The following TBC1D5 variants were observed in gnomAD, a reference collection of about 807,000 sequenced individuals.
The protein encoded by TBC1D5 is TBC1 domain family, member 5.
In TBC1D5, 75 loss-of-function variants were observed where a neutral mutation model predicts 100.3. That is an observed-to-expected ratio of 0.75 (90% confidence interval 0.62 to 0.91). The LOEUF (loss-of-function observed/expected upper bound fraction) is 0.91, where lower values mean the gene tolerates loss of function less well. Ranked by LOEUF, TBC1D5 falls within the 40% of genes least tolerant of loss-of-function variation. The pLI is 0.00. For missense variants in TBC1D5, 910 were observed against 942.4 expected (o/e 0.97, Z 0.45); for synonymous variants, 323 against 325.6 (o/e 0.99, Z 0.09).
chr3:17,295,788 C>G (rs867473102), intron 14 of TBC1D5, among the ~76,000 whole-genome samples: 12 of 152,096 alleles, frequency 7.9e-5, no homozygotes, highest in African/African-American at 2.9e-4. Flanking sequence ...ATTTCTTGCC[C>G]GACTCCCCAA....
intron 1 of TBC1D5, among the ~76,000 whole-genome samples, chr3:17,677,857 G>A (rs1294426271): frequency 6.6e-6 from 1 of 152,196 alleles, no homozygotes; most frequent in African/African-American, 2.4e-5. Flanking sequence ...GGACATGGAT[G>A]AAGCTGGAAA....
intron 15 of TBC1D5, among the ~76,000 whole-genome samples, chr3:17,265,623 G>A (rs2078765427): frequency 6.6e-6 from 1 of 152,144 alleles, no homozygotes; most frequent in African/African-American, 2.4e-5. Context: ...CAAAGGCAAA[G>A]CATTACAGGG....
intron 1 of TBC1D5, among the ~76,000 whole-genome samples, chr3:17,695,745 G>A (rs2071956075): frequency 6.6e-6 from 1 of 152,128 alleles, no homozygotes; most frequent in African/African-American, 2.4e-5. Context: ...GCACCAAGCT[G>A]ACCTAAGAGA....
At chr3:17,625,755 C>A (rs2062997928) in intron 1 of TBC1D5, among the ~76,000 whole-genome samples, 1 of 151,960 alleles carries the variant, frequency 6.6e-6, no homozygotes, top group Non-Finnish European at 1.5e-5. Context: ...GTTCATGCCA[C>A]TAGATAAAAA....
chr3:17,180,907 C>T (rs1349890669), intron 19 of TBC1D5, among the ~76,000 whole-genome samples: 1 of 128,304 alleles, frequency 7.8e-6, no homozygotes, highest in East Asian at 2.3e-4. Flanking sequence ...GTACCCCTTA[C>T]ATTTACACCA....
intron 17 of TBC1D5, among the ~76,000 whole-genome samples, chr3:17,223,959 A>C (rs1271079275): frequency 6.6e-6 from 1 of 152,106 alleles, no homozygotes; most frequent in African/African-American, 2.4e-5. Flanking sequence ...AGACTATGCC[A>C]ATATATATAA....
At chr3:17,377,216 A>C (rs1212080992) in intron 9 of TBC1D5, among the ~76,000 whole-genome samples, 1 of 152,100 alleles carries the variant, frequency 6.6e-6, no homozygotes, top group Non-Finnish European at 1.5e-5. Flanking sequence ...TGTCTACTTA[A>C]ATTCTAGGAT....
At chr3:17,696,823 A>G (rs113279552) in intron 1 of TBC1D5, among the ~76,000 whole-genome samples, 1 of 152,332 alleles carries the variant, frequency 6.6e-6, no homozygotes, top group African/African-American at 2.4e-5. Flanking sequence ...TTAGACCAAT[A>G]TCTCTGAAGA....
chr3:17,684,028 G>A (rs1464741220), intron 1 of TBC1D5, among the ~76,000 whole-genome samples: 1 of 151,940 alleles, frequency 6.6e-6, no homozygotes, highest in Non-Finnish European at 1.5e-5. Context: ...CCAAATATAT[G>A]TTAATAATAG....
intron 1 of TBC1D5, among the ~76,000 whole-genome samples, chr3:17,729,389 T>C (rs1411066008): frequency 6.7e-6 from 1 of 149,108 alleles, no homozygotes; most frequent in Non-Finnish European, 1.5e-5. Context: ...ACTGATTAAG[T>C]TACATGCTCA....
At chr3:17,684,561 T>G (rs2069977902) in intron 1 of TBC1D5, among the ~76,000 whole-genome samples, 1 of 152,090 alleles carries the variant, frequency 6.6e-6, no homozygotes, top group Admixed American at 6.6e-5. Flanking sequence ...CATTAAACCC[T>G]TTCAATAAGA....
intron 3 of TBC1D5, among the ~76,000 whole-genome samples, chr3:17,479,781 T>C (rs906119625): frequency 2.0e-5 from 3 of 152,110 alleles, no homozygotes; most frequent in Admixed American, 1.3e-4. Flanking sequence ...GCCTGTTTGG[T>C]GGGGCCACTG....
At chr3:17,630,399 C>A (rs868629467) in intron 1 of TBC1D5, among the ~76,000 whole-genome samples, 1 of 152,242 alleles carries the variant, frequency 6.6e-6, no homozygotes, top group South Asian at 2.1e-4. Context: ...ATAATTCTCA[C>A]AATATTTCAA....
intron 2 of TBC1D5, among the ~76,000 whole-genome samples, chr3:17,610,389 G>A (rs1047479743): frequency 1.9e-4 from 29 of 152,216 alleles, no homozygotes; most frequent in African/African-American, 7.0e-4. Flanking sequence ...GTTTCACCAT[G>A]CTGACCAGGC....
At chr3:17,270,540 C>A (rs1018154807) in intron 15 of TBC1D5, among the ~76,000 whole-genome samples, 1 of 152,094 alleles carries the variant, frequency 6.6e-6, no homozygotes, top group Non-Finnish European at 1.5e-5. Context: ...TCCCATTATG[C>A]AAAGTTTGCA....
At chr3:17,250,614 T>A (rs948598965) in intron 16 of TBC1D5, among the ~76,000 whole-genome samples, 1 of 152,228 alleles carries the variant, frequency 6.6e-6, no homozygotes, top group Non-Finnish European at 1.5e-5. Context: ...AGCTTTGTAC[T>A]TGCATTTTCC....
Position 17,597,757 on chromosome 3 carries a change from C to G in TBC1D5, c.-36+26092G>C, listed in dbSNP as rs533764943. Among the ~76,000 whole-genome samples, 431 of 152,244 alleles carry G rather than the reference C, an allele frequency of 2.8e-3. 1 individual carries two copies. Among genetic ancestry groups the G allele is most frequent in the South Asian group, 7.1e-3 (34 of 4,812 alleles). ...TGTCCCAAATACTCACAGTCATTTT[C>G]CACTAACCATAGTTGGTACTAAATT... On this transcript the variant is annotated intron_variant, in intron 2 of 21. Coordinates refer to ENST00000253692, the Ensembl canonical transcript of TBC1D5.
chr3:17,680,777 A>C (rs2069340930), intron 1 of TBC1D5, among the ~76,000 whole-genome samples: 1 of 151,314 alleles, frequency 6.6e-6, no homozygotes, highest in Non-Finnish European at 1.5e-5. Context: ...CCTATATATC[A>C]CTATTATGTA....
At chr3:17,187,132 G>T (rs2125560347) in intron 18 of TBC1D5, among the ~76,000 whole-genome samples, 1 of 152,224 alleles carries the variant, frequency 6.6e-6, no homozygotes, top group Middle Eastern at 3.4e-3. Flanking sequence ...AATGATTGAG[G>T]TTAGTCTCCA....
Sources: gnomAD v4.1 joint callset for allele counts (sites outside exome capture counted in the v4.1 genomes callset) on GRCh38, gnomAD v4.1.1 for gene constraint, MANE v1.5 for transcripts, NCBI Gene and HGNC (gene_info 2026-07-23, HGNC 2026-07-21) for gene names.